The following HS3ST5 variants were observed in gnomAD, a reference collection of about 807,000 sequenced individuals.
HS3ST5 encodes the protein heparan sulfate-glucosamine 3-sulfotransferase 5.
Under a neutral mutation model 25.4 loss-of-function variants are expected in HS3ST5, and 10 were observed. The observed-to-expected ratio is 0.39, with a 90% confidence interval of 0.24 to 0.67. The LOEUF (loss-of-function observed/expected upper bound fraction) is 0.67. HS3ST5 is among the 30% of genes least tolerant of loss of function. The probability of loss-of-function intolerance (pLI) is 0.44; values close to 1 mark genes in which losing one functional copy is unlikely to be tolerated. For synonymous variants in HS3ST5, 170 were observed against 162.4 expected (o/e 1.05, Z -0.36); for missense variants, 324 against 420.7 (o/e 0.77, Z 2.01).
At chr6:114,284,553 G>A (rs1258705865) in intron 1 of HS3ST5, among the ~76,000 whole-genome samples, 1 of 151,898 alleles carries the variant, frequency 6.6e-6, no homozygotes, top group Non-Finnish European at 1.5e-5. Flanking sequence ...AACCCAAGGG[G>A]AATGGAATCT....
At chr6:114,124,691 GA>G (rs1776955265) in intron 3 of HS3ST5, among the ~76,000 whole-genome samples, 1 of 148,450 alleles carries the variant, frequency 6.7e-6, no homozygotes, top group African/African-American at 2.5e-5. Context: ...ATAACCAGAG[GA>G]AAAAAAATAC....
chr6:114,242,237 AAAT>A (rs1210702057), intron 1 of HS3ST5, among the ~76,000 whole-genome samples: 5 of 152,200 alleles, frequency 3.3e-5, no homozygotes, highest in Non-Finnish European at 5.9e-5. Flanking sequence ...TTACATATTG[AAAT>A]AATAATATTT....
At chr6:114,281,202 G>A (rs150966639) in intron 1 of HS3ST5, among the ~76,000 whole-genome samples, 2 of 151,902 alleles carry the variant, frequency 1.3e-5, no homozygotes, top group African/African-American at 2.4e-5. Flanking sequence ...TCATGTTACC[G>A]CATCCTTAGT....
chr6:114,251,875 C>A (rs898927796), intron 1 of HS3ST5: 3 of 152,202 alleles, frequency 2.0e-5, no homozygotes, highest in Non-Finnish European at 4.4e-5. Context: ...CTGATGCTAG[C>A]CTAACTTCTC....
chr6:114,118,078 C>G (rs759286942), intron 3 of HS3ST5, among the ~76,000 whole-genome samples: 4 of 152,140 alleles, frequency 2.6e-5, no homozygotes, highest in Non-Finnish European at 2.9e-5. Context: ...AATGCCGACA[C>G]CAACATTCAA....
intron 1 of HS3ST5, among the ~76,000 whole-genome samples, chr6:114,269,790 C>A (rs1015313810): frequency 1.3e-5 from 2 of 152,162 alleles, no homozygotes; most frequent in South Asian, 2.1e-4. Flanking sequence ...CTAGAAGATC[C>A]TTGGAGATCA....
intron 2 of HS3ST5, among the ~76,000 whole-genome samples, chr6:114,208,742 CT>C (rs1781386553): frequency 6.6e-6 from 1 of 152,122 alleles, no homozygotes; most frequent in African/African-American, 2.4e-5. Flanking sequence ...CTGGATGAGT[CT>C]TTTGATGTCT....
At chr6:114,313,075 G>T (rs899754943) in intron 1 of HS3ST5, among the ~76,000 whole-genome samples, 1 of 125,662 alleles carries the variant, frequency 8.0e-6, no homozygotes, top group African/African-American at 3.0e-5. Context: ...ATACACTCAC[G>T]GCCAATAAAT....
chr6:114,077,040 A>T (rs765176322), intron 3 of HS3ST5, among the ~76,000 whole-genome samples: 12 of 152,202 alleles, frequency 7.9e-5, no homozygotes, highest in Non-Finnish European at 1.5e-4. Context: ...TTATGGTGAG[A>T]ATAGCTTTGA....
intron 3 of HS3ST5, among the ~76,000 whole-genome samples, chr6:114,149,621 C>T (rs1425168428): frequency 6.6e-6 from 1 of 152,030 alleles, no homozygotes; most frequent in Non-Finnish European, 1.5e-5. Context: ...AGGACAAATA[C>T]CTAATGCATG....
intron 1 of HS3ST5, among the ~76,000 whole-genome samples, chr6:114,248,426 A>G (rs1165012479): frequency 6.6e-6 from 1 of 151,842 alleles, no homozygotes; most frequent in Non-Finnish European, 1.5e-5. Flanking sequence ...TTTCTTACAT[A>G]AAGTTATGTT....
intron 3 of HS3ST5, among the ~76,000 whole-genome samples, chr6:114,067,787 A>C (rs1773547223): frequency 6.6e-6 from 1 of 152,210 alleles, no homozygotes; most frequent in Admixed American, 6.5e-5. Context: ...TTTTTATTGA[A>C]GATCTCAACT....
intron 3 of HS3ST5, among the ~76,000 whole-genome samples, chr6:114,129,498 G>A (rs1230759703): frequency 3.9e-5 from 6 of 151,948 alleles, no homozygotes; most frequent in East Asian, 1.9e-4. Flanking sequence ...CTCGTGATCC[G>A]CCTGCCTTGG....
intron 3 of HS3ST5, among the ~76,000 whole-genome samples, chr6:114,119,198 G>T (rs1776668618): frequency 6.6e-6 from 1 of 152,296 alleles, no homozygotes; most frequent in South Asian, 2.1e-4. Context: ...GTGCCTGAGG[G>T]ACGATAAACA....
rs957127320 is a variant in HS3ST5, at chr6:114,142,040, T to C, written c.-33+26311A>G. 3.1e-4 allele frequency among the ~76,000 whole-genome samples: 47 copies of C among 152,268 alleles called. 2 individuals are homozygous for C. Among genetic ancestry groups the C allele is most frequent in the Middle Eastern group, 3.4e-3 (1 of 294 alleles). The stretch of plus-strand genomic sequence containing the variant: ...TACAGCTGGTTGTTTGTAATATTCA[T>C]GATATTTCTTGGTTTCCAGTTTGTC... On this transcript the variant is annotated intron_variant, in intron 3 of 4. Transcript: ENST00000312719.
At chr6:114,263,327 T>C (rs942232465) in intron 1 of HS3ST5, among the ~76,000 whole-genome samples, 1 of 152,082 alleles carries the variant, frequency 6.6e-6, no homozygotes, top group African/African-American at 2.4e-5. Flanking sequence ...TATTCAAAAA[T>C]GGAAAAAAAC....
intron 1 of HS3ST5, among the ~76,000 whole-genome samples, chr6:114,249,558 C>G (rs1772546609): frequency 6.6e-6 from 1 of 152,210 alleles, no homozygotes; most frequent in Non-Finnish European, 1.5e-5. Context: ...GCTAAGAGTG[C>G]TGGTTGCAGA....
intron 2 of HS3ST5, among the ~76,000 whole-genome samples, chr6:114,214,593 C>A (rs944350597): frequency 6.6e-6 from 1 of 152,220 alleles, no homozygotes; most frequent in Non-Finnish European, 1.5e-5. Context: ...TCCTTAACTG[C>A]ACGTCAGAAA....
At chr6:114,254,947 T>G (rs562342148) in intron 1 of HS3ST5, among the ~76,000 whole-genome samples, 2 of 152,212 alleles carry the variant, frequency 1.3e-5, no homozygotes, top group Non-Finnish European at 2.9e-5. Flanking sequence ...CCCCAAATCT[T>G]ACATCCTGAC....
Sources: allele counts gnomAD v4.1 joint callset (sites outside exome capture counted in the v4.1 genomes callset), GRCh38; gene constraint gnomAD v4.1.1; transcripts MANE v1.5; gene names NCBI Gene and HGNC (gene_info 2026-07-23, HGNC 2026-07-21).